Variants in HPSE2 observed in about 807,000 individuals in gnomAD.
The protein encoded by HPSE2 is inactive heparanase-2.
In HPSE2, 38 loss-of-function variants were observed where a neutral mutation model predicts 60.5. The ratio of observed to expected loss-of-function variants is 0.63; its 90% CI spans 0.48 to 0.82. The LOEUF (loss-of-function observed/expected upper bound fraction) is 0.82, where lower values mean the gene tolerates loss of function less well. Among genes scored for constraint, HPSE2 ranks in the 40% least tolerant of loss-of-function variants. HPSE2 has a pLI of 0.00. For synonymous variants in HPSE2, 295 were observed against 293.2 expected, an observed-to-expected ratio of 1.01 and a Z score of -0.06; for missense variants, 713 against 740.4, an observed-to-expected ratio of 0.96 and a Z score of 0.43.
intron 3 of HPSE2, among the ~76,000 whole-genome samples, chr10:99,003,311 A>G (rs1461051243): frequency 2.6e-5 from 4 of 152,076 alleles, no homozygotes; most frequent in African/African-American, 9.7e-5. Context: ...TGCAATGAAC[A>G]TTTCAGTGCA....
At chr10:99,066,588 G>A (rs1165107439) in intron 3 of HPSE2, among the ~76,000 whole-genome samples, 2 of 152,074 alleles carry the variant, frequency 1.3e-5, no homozygotes, top group African/African-American at 4.8e-5. Context: ...TTGTTCAGGG[G>A]AACTCCCATT....
intron 3 of HPSE2, among the ~76,000 whole-genome samples, chr10:99,136,000 AT>A (rs1845634323): frequency 1.3e-5 from 2 of 152,252 alleles, no homozygotes; most frequent in South Asian, 4.1e-4. Context: ...AGCCAGGCTA[AT>A]ACAGAAAAAA....
rs969451714 is a variant in HPSE2, at chr10:98,853,981, C to T, written c.611-109925G>A. ...TTTCTAAGTAGGCTGATCAGAAGTACCAAGAAAATAAGTAATACTTGTATG... is the reference window on the plus strand; with the variant it reads ...TTTCTAAGTAGGCTGATCAGAAGTATCAAGAAAATAAGTAATACTTGTATG... On this transcript the variant is annotated intron_variant, in intron 3 of 11. Coordinates refer to ENST00000370552, the MANE Select transcript of HPSE2 (RefSeq NM_021828.5). Among the ~76,000 whole-genome samples the T allele has an allele frequency of 2.6e-5, 4 of 151,964 alleles. No individual in the cohort carries two copies. The East Asian group carries it at 7.7e-4, about 29-fold the overall frequency.
chr10:98,974,516 T>C (rs1228642197), intron 3 of HPSE2, among the ~76,000 whole-genome samples: 5 of 152,106 alleles, frequency 3.3e-5, no homozygotes, highest in Non-Finnish European at 7.4e-5. Flanking sequence ...TCCACCCGCC[T>C]TGGCCTGCCA....
At chr10:99,214,208 A>C (rs2862529) in intron 2 of HPSE2, among the ~76,000 whole-genome samples, 75,033 of 152,020 alleles carry the variant, frequency 0.49, 21,707 homozygotes, top group Non-Finnish European at 0.64. Context: ...GCCATTAACA[A>C]GTGTTGGCAT....
At chr10:99,220,936 C>T (rs527856296) in intron 2 of HPSE2, among the ~76,000 whole-genome samples, 5 of 150,470 alleles carry the variant, frequency 3.3e-5, no homozygotes, top group African/African-American at 9.8e-5. Context: ...CCTCCACCTC[C>T]GAGGTTCAAG....
chr10:98,996,826 T>C, intron 3 of HPSE2, among the ~76,000 whole-genome samples: 1 of 152,138 alleles, frequency 6.6e-6, no homozygotes, highest in East Asian at 1.9e-4. Context: ...ACATAATCTA[T>C]AGTGATAGAA....
chr10:99,081,280 T>G (rs1589624843), intron 3 of HPSE2, among the ~76,000 whole-genome samples: 1 of 152,254 alleles, frequency 6.6e-6, no homozygotes, highest in South Asian at 2.1e-4. Context: ...AATGCTCTTT[T>G]GTTTGTATTT....
chr10:99,208,307 G>A (rs1848830541), intron 2 of HPSE2, among the ~76,000 whole-genome samples: 1 of 151,942 alleles, frequency 6.6e-6, no homozygotes, highest in Non-Finnish European at 1.5e-5. Flanking sequence ...AAAACTACCA[G>A]AAAACATTAA....
intron 3 of HPSE2, among the ~76,000 whole-genome samples, chr10:98,866,249 A>G (rs1452271802): frequency 6.6e-6 from 1 of 152,118 alleles, no homozygotes; most frequent in Non-Finnish European, 1.5e-5. Flanking sequence ...AAGGTTTAAC[A>G]GTAGATTAGA....
At position 98,776,278 on chromosome 10, in the gene HPSE2, C is replaced by CAAA. The variant is rs35176062; in HGVS notation, c.611-32225_611-32223dup. Among the ~76,000 whole-genome samples the CAAA allele has an allele frequency of 1.1e-3, 151 of 137,078 alleles. 2 individuals are homozygous for CAAA. The highest frequency in any genetic ancestry group is 3.2e-3 in the African/African-American group (117 of 36,210). The allele number at this position is 137,078 out of a possible 152,430, so 89.9% of individuals were successfully genotyped here. ...TGAAACCCCATCTCTACTAAAAATACAAAAAAAAAAAAAAAAAATTCAGCT... is the reference window on the plus strand; with the variant it reads ...TGAAACCCCATCTCTACTAAAAATACAAAAAAAAAAAAAAAAAAAAATTCAGCT... On this transcript the variant is annotated intron_variant, in intron 3 of 11. Transcript: ENST00000370552.
At chr10:98,740,141 A>AT (rs1178314505) in intron 4 of HPSE2, among the ~76,000 whole-genome samples, 56 of 148,514 alleles carry the variant, frequency 3.8e-4, no homozygotes, top group South Asian at 2.2e-3. Context: ...CAAGAAAGTC[A>AT]TTTTTTTTTG....
rs377638243 is a variant in HPSE2, at chr10:99,015,472, G to C, written c.610+128766C>G. 7.9e-5 allele frequency among the ~76,000 whole-genome samples: 12 copies of C among 152,318 alleles called. No homozygotes were observed. The East Asian group carries it at 1.3e-3, about 17-fold the overall frequency. On this transcript the variant is annotated intron_variant, in intron 3 of 11. Transcript: ENST00000370552. ...AGAAAATGTGGCACATATACACCAT[G>C]GAATACTATGCAGCCATAAAAAATA...
intron 3 of HPSE2, among the ~76,000 whole-genome samples, chr10:98,899,962 T>C (rs1342390445): frequency 1.3e-5 from 2 of 152,054 alleles, no homozygotes; most frequent in Non-Finnish European, 2.9e-5. Flanking sequence ...TTTGTATTTT[T>C]AGTAGAGACA....
In HPSE2 at chr10:99,057,949, C is replaced by T. The variant is rs546358317; in HGVS notation, c.610+86289G>A. Among the ~76,000 whole-genome samples the T allele has an allele frequency of 3.4e-3, 510 of 152,202 alleles. 2 individuals carry two copies. Among genetic ancestry groups the T allele is most frequent in the Non-Finnish European group, 4.6e-3 (316 of 68,018 alleles). ...AAACAGATGTCTTCCAATTTTCCTTCGCAAAACCATATTTTATATTGGGTT... is the reference window on the plus strand; with the variant it reads ...AAACAGATGTCTTCCAATTTTCCTTTGCAAAACCATATTTTATATTGGGTT... On this transcript the variant is annotated intron_variant, in intron 3 of 11. Transcript: ENST00000370552.
chr10:99,053,077 T>C (rs1958027120), intron 3 of HPSE2, among the ~76,000 whole-genome samples: 1 of 151,712 alleles, frequency 6.6e-6, no homozygotes. Context: ...TTAACACTAC[T>C]AAACTATACA....
At chr10:98,657,872 A>AC (rs1476705011) in intron 6 of HPSE2, among the ~76,000 whole-genome samples, 6 of 152,188 alleles carry the variant, frequency 3.9e-5, no homozygotes, top group Non-Finnish European at 8.8e-5. Context: ...AGTGGCACCA[A>AC]TAGTTGGTAA....
intron 9 of HPSE2, among the ~76,000 whole-genome samples, chr10:98,512,812 A>AACACACGCACACAC (rs1942458641): frequency 8.0e-6 from 1 of 124,546 alleles, no homozygotes; most frequent in African/African-American, 2.9e-5. Context: ...CCCACCCCCC[A>AACACACGCACACAC]ACACACACAC....
chr10:99,173,166 G>A (rs1040578839), intron 2 of HPSE2, among the ~76,000 whole-genome samples: 18 of 152,134 alleles, frequency 1.2e-4, no homozygotes, highest in Admixed American at 6.6e-5. Flanking sequence ...TGCAGGTTCT[G>A]GAGAGATGTC....
Sources: allele counts gnomAD v4.1 joint callset (sites outside exome capture counted in the v4.1 genomes callset), GRCh38; gene constraint gnomAD v4.1.1; transcripts MANE v1.5; gene names NCBI Gene and HGNC (gene_info 2026-07-23, HGNC 2026-07-21).